The following RBM14 variants were observed in gnomAD, a reference collection of about 807,000 sequenced individuals.
RBM14 encodes the protein RNA-binding protein 14.
Under a neutral mutation model 52.8 loss-of-function variants are expected in RBM14, and 5 were observed. The observed-to-expected ratio is 0.09, with a 90% CI of 0.05 to 0.20. The LOEUF (loss-of-function observed/expected upper bound fraction) is 0.20, where lower values mean the gene tolerates loss of function less well. Ranked by LOEUF, RBM14 falls within the 10% of genes least tolerant of loss-of-function variation. The pLI, the probability that RBM14 is intolerant of heterozygous loss-of-function variation, is 1.00. For missense variants in RBM14, 780 were observed against 926.6 expected (o/e 0.84, Z 2.05); for synonymous variants, 411 against 401.8 (o/e 1.02, Z -0.28).
intron 1 of RBM14, chr11:66,617,658 A>G (rs899885658): frequency 6.7e-6 from 5 of 749,204 alleles, no homozygotes; most frequent in Middle Eastern, 1.3e-3. Flanking sequence ...CCCCTTCCGA[A>G]TCACTTTGGC....
chr11:66,626,140 T>C (rs1014735941), intron 2 of RBM14, among the ~76,000 whole-genome samples: 1 of 152,254 alleles, frequency 6.6e-6, no homozygotes, highest in African/African-American at 2.4e-5. Flanking sequence ...TCCGCCGTTC[T>C]GTTGATAAAC....
rs1284857217 is a variant in RBM14, at chr11:66,626,475, G to A, written c.1817G>A (p.Arg606Gln). ...VAMSKRYGSD[R>Q]RLAELSDYRR... ...CTCTCGACTAGGTATGGTTCCGACC[G>A]GCGTTTAGCCGAGCTCTCTGATTAC... The change falls in exon 3 of 3, where the codon CGG becomes CAG. Residue 606 changes from arginine to glutamine, a missense_variant. By Grantham distance (43) the Arg-to-Gln change is conservative. This residue lies in a region of RBM14 where 675 missense variants were observed against 697.3 expected (regional missense o/e 0.97). Coordinates refer to ENST00000310137, the MANE Select transcript of RBM14 (RefSeq NM_006328.4). The A allele has an allele frequency of 5.0e-6, 8 of 1,613,256 alleles. No individual in the cohort carries two copies. The highest frequency in any genetic ancestry group is 1.3e-5 in the African/African-American group (1 of 74,924).
At chr11:66,618,533 C>T in intron 1 of RBM14, 1 of 717,452 alleles carries the variant, frequency 1.4e-6, no homozygotes, top group Non-Finnish European at 2.6e-6. Flanking sequence ...TCGGGCTTTC[C>T]TGCTGGGTGC....
At chr11:66,620,670 T>A (rs910078903) in intron 1 of RBM14, among the ~76,000 whole-genome samples, 1 of 152,144 alleles carries the variant, frequency 6.6e-6, no homozygotes. Flanking sequence ...ACATGTGAAA[T>A]CTCAATTTTC....
chr11:66,623,765 T>G, intron 1 of RBM14: 3 of 653,314 alleles, frequency 4.6e-6, no homozygotes, highest in Non-Finnish European at 8.5e-6. Flanking sequence ...GAGTGGTCAT[T>G]TCCAGTGTTT....
rs181843733 is a variant in RBM14, at chr11:66,625,889, C to T, written c.1802+211C>T. Among the ~76,000 whole-genome samples the T allele has an allele frequency of 6.6e-6, 1 of 152,328 alleles. No homozygotes were observed. The highest frequency in any genetic ancestry group is 1.9e-4 in the East Asian group (1 of 5,186). The stretch of plus-strand genomic sequence containing the variant: ...GCATAGTGCTCAGCCTGGGGTGGTA[C>T]CTGCTAGTCAGGCCAGGCACAGTGT... On this transcript the variant is annotated intron_variant, in intron 2 of 2. Coordinates refer to ENST00000310137, the MANE Select transcript of RBM14 (RefSeq NM_006328.4). The surrounding 1 kb of genome is among the most constrained non-coding windows in gnomAD (Gnocchi z 4.2).
chr11:66,619,070 A>G, intron 1 of RBM14: 1 of 154,254 alleles, frequency 6.5e-6, no homozygotes, highest in Admixed American at 6.5e-5. Flanking sequence ...AGACTGGGAA[A>G]GATTTGAACA....
In RBM14 at chr11:66,625,342, A is replaced by G; in HGVS notation, c.1466A>G (p.Gln489Arg). The stretch of plus-strand genomic sequence containing the variant: ...GGCCTTTCAGGCTCCTATGGGGCTC[A>G]GTCGGCTGCTGCGGCCACTGGCTCC... ...SMGLSGSYGA[Q>R]SAAAATGSYG... Residue 489 changes from glutamine to arginine, a missense_variant, in exon 2 of 3, where the codon CAG (glutamine) becomes CGG (arginine). This residue lies in a region of RBM14 where 675 missense variants were observed against 697.3 expected (regional missense o/e 0.97). Coordinates refer to ENST00000310137, the MANE Select transcript of RBM14 (RefSeq NM_006328.4). The surrounding 1 kb of genome is among the most constrained non-coding windows in gnomAD (Gnocchi z 4.2). 1 of 1,607,430 alleles carries G rather than the reference A, an allele frequency of 6.2e-7. No homozygotes were observed. The highest frequency in any genetic ancestry group is 8.5e-7 in the Non-Finnish European group (1 of 1,177,932).
Position 66,626,664 on chromosome 11 carries a change from T to A in RBM14, c.2006T>A (p.Met669Lys). The A allele has an allele frequency of 6.2e-7, 1 of 1,603,896 alleles. No homozygotes were observed. The highest frequency in any genetic ancestry group is 8.5e-7 in the Non-Finnish European group (1 of 1,175,778). ...ATGCACTCTGGCTACCAGCGCCGCATGTAGGGCCATCCTGGGATGGGGCAC... is the reference window on the plus strand; with the variant it reads ...ATGCACTCTGGCTACCAGCGCCGCAAGTAGGGCCATCCTGGGATGGGGCAC... Reference protein sequence around the residue: ...AQMHSGYQRRM With the variant: ...AQMHSGYQRRK The change falls in exon 3 of 3, where the codon ATG (methionine) becomes AAG (lysine). Residue 669 changes from methionine to lysine, a missense_variant. Physicochemically the swap from Met to Lys is moderately conservative, Grantham distance 95 (BLOSUM62 -1). Coordinates refer to ENST00000310137, the MANE Select transcript of RBM14 (RefSeq NM_006328.4).
Position 66,616,745 on chromosome 11 carries a change from G to A in RBM14, c.25G>A (p.Asp9Asn). The A allele has an allele frequency of 6.3e-7, 1 of 1,595,886 alleles. No individual in the cohort carries two copies. Among genetic ancestry groups the A allele is most frequent in the Non-Finnish European group, 8.6e-7 (1 of 1,166,516 alleles). The change falls in exon 1 of 3, where the codon GAC (aspartate) becomes AAC (asparagine). Residue 9 changes from aspartate (D) to asparagine (N), a missense_variant. By Grantham distance (23) the Asp-to-Asn change is conservative. Coordinates refer to ENST00000310137, the MANE Select transcript of RBM14 (RefSeq NM_006328.4). ...AATGAAGATATTCGTGGGCAACGTCGACGGGGCGGATACGACTCCGGAGGA... is the reference window on the plus strand; with the variant it reads ...AATGAAGATATTCGTGGGCAACGTCAACGGGGCGGATACGACTCCGGAGGA... MKIFVGNV[D>N]GADTTPEELA...
In RBM14 at chr11:66,624,674, G is replaced by T. The variant is rs1159401882; in HGVS notation, c.798G>T (p.Met266Ile). The T allele has an allele frequency of 7.4e-6, 12 of 1,613,500 alleles. No individual in the cohort carries two copies. Among genetic ancestry groups the T allele is most frequent in the Non-Finnish European group, 8.5e-6 (10 of 1,179,878 alleles). Residue 266 changes from methionine to isoleucine, a missense_variant, in exon 2 of 3, where the codon ATG (methionine) becomes ATT (isoleucine). Met to Ile is a conservative substitution (Grantham distance 10). Coordinates refer to ENST00000310137, the MANE Select transcript of RBM14 (RefSeq NM_006328.4). The surrounding 1 kb of genome is among the most constrained non-coding windows in gnomAD (Gnocchi z 4.7). ...GTGTTGGCTATCGGACTCAGCCCAT[G>T]ACAGCCCAGGCAGCCTCTTACCGCG... ...SLGVGYRTQPMTAQAASYRAQ... is the reference protein window; with the variant it reads ...SLGVGYRTQPITAQAASYRAQ...
At chr11:66,617,159 T>G in intron 1 of RBM14, 102 bp downstream of exon 1, 1 of 1,480,596 alleles carries the variant, frequency 6.8e-7, no homozygotes, top group Non-Finnish European at 8.9e-7. Flanking sequence ...TTGGGAGGGG[T>G]GGGGAAGTGC....
intron 1 of RBM14, chr11:66,618,428 A>C: frequency 1.4e-6 from 1 of 713,234 alleles, no homozygotes; most frequent in Non-Finnish European, 2.6e-6. Flanking sequence ...ATAAAGGGTC[A>C]TAGTGTCCAC....
At chr11:66,626,400 G>T (rs1427556140) in intron 2 of RBM14, 61 bp from the exon 3 acceptor site, 2 of 1,500,858 alleles carry the variant, frequency 1.3e-6, no homozygotes, top group Non-Finnish European at 9.2e-7. Flanking sequence ...TCTCCCCAAT[G>T]CCCACCTGGA....
rs747117447 is a variant in RBM14, at chr11:66,624,824, C to T, written c.948C>T (p.Ser316=). Residue 316 remains serine, a synonymous_variant, in exon 2 of 3, where the codon TCC becomes TCT. Coordinates refer to ENST00000310137, the MANE Select transcript of RBM14 (RefSeq NM_006328.4). This position sits in a 1 kb window ranked among gnomAD's most constrained non-coding sequence, Gnocchi z 4.7. ...GGAQPSASAL[S]SYGGQAAAAS... ...CCCAGCCCTCAGCCTCGGCCCTTTC[C>T]TCCTATGGGGGTCAGGCAGCTGCAG... is the stretch of plus-strand genomic sequence containing the variant. 3 of 1,613,988 alleles carry T rather than the reference C, an allele frequency of 1.9e-6. No homozygotes were observed. The highest frequency in any genetic ancestry group is 4.5e-5 in the East Asian group (2 of 44,890).
chr11:66,618,220 T>C (rs1858935135), intron 1 of RBM14, among the ~76,000 whole-genome samples: 1 of 152,158 alleles, frequency 6.6e-6, no homozygotes, highest in South Asian at 2.1e-4. Flanking sequence ...TGCCCTGTCA[T>C]TTTGGAAGAT....
chr11:66,619,259 C>T (rs764330107), intron 1 of RBM14: 3 of 152,128 alleles, frequency 2.0e-5, no homozygotes, highest in Non-Finnish European at 2.9e-5. Context: ...AGCACAGAAG[C>T]TTGGTGTTGC....
intron 1 of RBM14, among the ~76,000 whole-genome samples, chr11:66,618,296 A>C (rs1307988184): frequency 6.6e-6 from 1 of 152,122 alleles, no homozygotes; most frequent in East Asian, 1.9e-4. Flanking sequence ...CTGTGTGAGA[A>C]GTTTCAGGGA....
rs1456054633 is a variant in RBM14 at position 66,628,449 on chromosome 11, C to T, written c.*1781C>T. Among the ~76,000 whole-genome samples the T allele has an allele frequency of 6.6e-6, 1 of 152,142 alleles. No individual in the cohort carries two copies. Among genetic ancestry groups the T allele is most frequent in the South Asian group, 2.1e-4 (1 of 4,828 alleles). On this transcript the variant is annotated 3_prime_UTR_variant, in exon 3 of 3. Coordinates refer to ENST00000310137, the MANE Select transcript of RBM14 (RefSeq NM_006328.4). ...GACAGAATATCTTGCCCTAGATGTC[C>T]TCTTCCCTCTTGCCATCGTGCAAAA...
Sources: gnomAD v4.1 joint callset for allele counts (sites outside exome capture counted in the v4.1 genomes callset) on GRCh38, gnomAD v4.1.1 for gene constraint, gnomAD v4.1.1 regional missense constraint, Gnocchi (gnomAD v3.1) non-coding constraint, MANE v1.5 for transcripts, NCBI Gene and HGNC (gene_info 2026-07-23, HGNC 2026-07-21) for gene names.